Variants in RSBN1 observed in about 807,000 individuals in gnomAD.
The protein encoded by RSBN1 is round spermatid basic protein 1, also known as lysine-specific demethylase 9.
A neutral mutation model predicts 74.8 loss-of-function variants in RSBN1; 23 were observed. The observed-to-expected ratio is 0.31, with a 90% CI of 0.22 to 0.44. The LOEUF (loss-of-function observed/expected upper bound fraction) is 0.44, where lower values mean the gene tolerates loss of function less well. Among genes scored for constraint, RSBN1 ranks in the 20% least tolerant of loss-of-function variants. The pLI is 1.00. For synonymous variants in RSBN1, 407 were observed against 379.6 expected, an observed-to-expected ratio of 1.07 and a Z score of -0.84; for missense variants, 808 against 1,020.9, an observed-to-expected ratio of 0.79 and a Z score of 2.84.
Position 113,766,152 on chromosome 1 carries a change from GCTT to G in RSBN1, c.2234_2236del (p.Glu745del), listed in dbSNP as rs1396370334. ...TGTTAACAGCTGAATCTCTGTGCAT[GCTT>G]CTTCAGATTCAGTTTTTATCCTCAC... is the stretch of plus-strand genomic sequence containing the variant. On this transcript the variant is annotated inframe_deletion, in exon 7 of 7. Transcript: ENST00000261441. The G allele has an allele frequency of 1.2e-6, 2 of 1,614,062 alleles. No individual in the cohort carries two copies. The highest frequency in any genetic ancestry group is 1.7e-5 in the Admixed American group (1 of 60,016).
intron 4 of RSBN1, among the ~76,000 whole-genome samples, chr1:113,775,741 T>C (rs1240277575): frequency 4.6e-5 from 7 of 152,218 alleles, no homozygotes; most frequent in African/African-American, 1.7e-4. Context: ...ATGTATATAG[T>C]ATTTAACAAT....
At chr1:113,805,799 G>A (rs1274558781) in intron 1 of RSBN1, among the ~76,000 whole-genome samples, 1 of 152,198 alleles carries the variant, frequency 6.6e-6, no homozygotes, top group Non-Finnish European at 1.5e-5. Flanking sequence ...GAACTGCTGT[G>A]CAGGAAGGAA....
chr1:113,789,975 G>A (rs1013207816), intron 2 of RSBN1, among the ~76,000 whole-genome samples: 53 of 151,704 alleles, frequency 3.5e-4, no homozygotes, highest in African/African-American at 1.2e-3. Flanking sequence ...AAAGGTACAA[G>A]TATTGTTTTT....
intron 2 of RSBN1, among the ~76,000 whole-genome samples, chr1:113,794,483 C>A (rs535031238): frequency 6.6e-6 from 1 of 152,304 alleles, no homozygotes; most frequent in Non-Finnish European, 1.5e-5. Flanking sequence ...GGTCTCAACT[C>A]CTTCCATCCC....
intron 1 of RSBN1, among the ~76,000 whole-genome samples, chr1:113,801,213 C>T (rs1051213833): frequency 6.6e-6 from 1 of 152,068 alleles, no homozygotes; most frequent in Non-Finnish European, 1.5e-5. Flanking sequence ...AAACTCCTGA[C>T]CTCAAGTGAT....
At chr1:113,772,115 C>T (rs1219448753) in intron 4 of RSBN1, among the ~76,000 whole-genome samples, 1 of 151,894 alleles carries the variant, frequency 6.6e-6, no homozygotes, top group Non-Finnish European at 1.5e-5. Context: ...ACATAGCTAG[C>T]CATAATATTT....
intron 6 of RSBN1, 131 bp downstream of exon 6, chr1:113,766,967 AC>A (rs1311690174): frequency 1.9e-6 from 1 of 532,444 alleles, no homozygotes; most frequent in East Asian, 3.1e-5. Flanking sequence ...CACCACCCCC[AC>A]CCCAGTCTTT....
At position 113,811,723 on chromosome 1, in the gene RSBN1, T is replaced by C. The variant is rs773469011; in HGVS notation, c.690A>G (p.Lys230=). Residue 230 remains lysine (K), a synonymous_variant, in exon 1 of 7, where the codon AAA becomes AAG. Coordinates refer to ENST00000261441, the MANE Select transcript of RSBN1 (RefSeq NM_018364.5). ...GCCTGCTCTCACCTCTCTTGGGGGC[T>C]TTGATCAGAGGCACCCCTCCAGTCC... ...GERTGGVPLI[K]APKRETPDEN... 1 of 1,599,852 alleles carries C rather than the reference T, an allele frequency of 6.3e-7. No homozygotes were observed. The highest frequency in any genetic ancestry group is 1.1e-5 in the South Asian group (1 of 88,964).
chr1:113,784,744 G>A (rs1489057386), intron 2 of RSBN1, among the ~76,000 whole-genome samples: 1 of 152,338 alleles, frequency 6.6e-6, no homozygotes, highest in Admixed American at 6.5e-5. Context: ...TGGGGGACCA[G>A]TACAGTTGAG....
chr1:113,802,667 T>C (rs1048308911), intron 1 of RSBN1, among the ~76,000 whole-genome samples: 3 of 152,222 alleles, frequency 2.0e-5, no homozygotes, highest in South Asian at 4.1e-4. Context: ...TTTCTAGAAG[T>C]ATACTTTCTA....
rs1476529207 is a variant in RSBN1, at chr1:113,812,021, G to A, written c.392C>T (p.Ala131Val). ...CTCAACAGGGCCTGGGACAGTTGGG[G>A]CTGCATTCGTTGGCGGCAGCGGCCC... The part of the protein sequence containing the change: ...HPGPLPPTNA[A>V]PTVPGPVEPL... Residue 131 changes from alanine (A) to valine (V), a missense_variant, in exon 1 of 7, where the codon GCC becomes GTC. Physicochemically the swap from Ala to Val is moderately conservative, Grantham distance 64 (BLOSUM62 0). This residue lies in a region of RSBN1 where 464 missense variants were observed against 401.0 expected (regional missense o/e 1.16). Coordinates refer to ENST00000261441, the MANE Select transcript of RSBN1 (RefSeq NM_018364.5). 1.3e-6 allele frequency: 2 copies of A among 1,535,900 alleles called. No individual in the cohort carries two copies. The highest frequency in any genetic ancestry group is 1.8e-6 in the Non-Finnish European group (2 of 1,141,850).
intron 2 of RSBN1, among the ~76,000 whole-genome samples, chr1:113,780,225 C>T (rs1199537117): frequency 6.6e-6 from 1 of 152,212 alleles, no homozygotes; most frequent in Non-Finnish European, 1.5e-5. Context: ...GCAGCCAAAA[C>T]TCAAGACCAA....
intron 1 of RSBN1, among the ~76,000 whole-genome samples, chr1:113,808,264 C>T (rs1660753556): frequency 6.6e-6 from 1 of 152,084 alleles, no homozygotes; most frequent in Admixed American, 6.6e-5. Context: ...CACATCCTCC[C>T]CTATATTTTA....
In RSBN1 at chr1:113,762,056, G is replaced by C. The variant is rs928140796; in HGVS notation, c.*3924C>G. ...TCGTTAATGTCAATAAACAAACTAA[G>C]GCCACACAACGCAAATAGTCCGCCA... is the stretch of plus-strand genomic sequence containing the variant. On this transcript the variant is annotated 3_prime_UTR_variant, in exon 7 of 7. Coordinates refer to ENST00000261441, the MANE Select transcript of RSBN1 (RefSeq NM_018364.5). 3 of 152,500 alleles carry C rather than the reference G, an allele frequency of 2.0e-5. No homozygotes were observed. The highest frequency in any genetic ancestry group is 7.3e-5 in the African/African-American group (3 of 41,360). The allele number at this position is 152,500 out of a possible 1,614,324, so 9.4% of individuals were successfully genotyped here.
At chr1:113,807,800 TACAC>T (rs59928174) in intron 1 of RSBN1, among the ~76,000 whole-genome samples, 49 of 144,604 alleles carry the variant, frequency 3.4e-4, no homozygotes, top group South Asian at 6.5e-4. Flanking sequence ...TGTATATGTA[TACAC>T]ACACACACAC....
At position 113,798,002 on chromosome 1, in the gene RSBN1, G is replaced by A. The variant is rs970684888; in HGVS notation, c.738C>T (p.Ala246=). The change falls in exon 2 of 7, where the codon GCC becomes GCT. Residue 246 remains alanine, a synonymous_variant. Coordinates refer to ENST00000261441, the MANE Select transcript of RSBN1 (RefSeq NM_018364.5). ...TTATTTTCTTCAAGACAAAATCATC[G>A]GCTCTCTGGGTTTTACCATTTTCAT... ...TPDENGKTQR[A]DDFVLKKIKK... is the part of the protein sequence containing the mutation. 1.7e-5 allele frequency: 28 copies of A among 1,608,496 alleles called. No homozygotes were observed. Among genetic ancestry groups the A allele is most frequent in the Admixed American group, 3.4e-5 (2 of 58,674 alleles).
Position 113,797,801 on chromosome 1 carries a change from T to G in RSBN1, c.939A>C (p.Lys313Asn), listed in dbSNP as rs1379584157. ...GLNKESFRYL[K>N]DEQLCRLNLG... The stretch of plus-strand genomic sequence containing the variant: ...AATTTAATCGGCACAGCTGTTCATC[T>G]TTCAGATACCTGAAGGACTCCTTAT... The change falls in exon 2 of 7, where the codon AAA (lysine) becomes AAC (asparagine). Residue 313 changes from lysine to asparagine, a missense_variant. Physicochemically the swap from Lys to Asn is moderately conservative, Grantham distance 94. Around this residue, in one of 6 missense-constraint regions of RSBN1, gnomAD observed 85 missense variants for 126.2 expected, o/e 0.67. Transcript: ENST00000261441. 4 of 1,614,130 alleles carry G rather than the reference T, an allele frequency of 2.5e-6. No homozygotes were observed. The highest frequency in any genetic ancestry group is 3.4e-6 in the Non-Finnish European group (4 of 1,179,968).
intron 2 of RSBN1, among the ~76,000 whole-genome samples, chr1:113,789,107 G>A (rs950051943): frequency 6.6e-6 from 1 of 152,022 alleles, no homozygotes; most frequent in African/African-American, 2.4e-5. Context: ...GCTTTAGGGC[G>A]GGGCTGGTCA....
intron 4 of RSBN1, among the ~76,000 whole-genome samples, chr1:113,775,026 CTTTT>C (rs570357627): frequency 1.4e-5 from 2 of 142,246 alleles, no homozygotes; most frequent in Non-Finnish European, 3.1e-5. Context: ...TGGTGGCTAC[CTTTT>C]TTTTTTTTTT....
Sources: gnomAD v4.1 joint callset for allele counts (sites outside exome capture counted in the v4.1 genomes callset) on GRCh38, gnomAD v4.1.1 for gene constraint, gnomAD v4.1.1 regional missense constraint, MANE v1.5 for transcripts, NCBI Gene and HGNC (gene_info 2026-07-23, HGNC 2026-07-21) for gene names.